The following MTMR3 variants were observed in gnomAD, a reference collection of about 807,000 sequenced individuals.
MTMR3 encodes the protein myotubularin related protein 3.
Under a neutral mutation model 132.4 loss-of-function variants are expected in MTMR3, and 32 were observed. That is an observed-to-expected ratio of 0.24 (90% CI 0.18 to 0.32). The LOEUF (loss-of-function observed/expected upper bound fraction) is 0.32, where lower values mean the gene tolerates loss of function less well. Among genes scored for constraint, MTMR3 ranks in the 10% least tolerant of loss-of-function variants. The pLI, the probability that MTMR3 is intolerant of heterozygous loss-of-function variation, is 1.00. For missense variants in MTMR3, 1,216 were observed against 1,489.6 expected (o/e 0.82, Z 3.02); for synonymous variants, 556 against 550.3 (o/e 1.01, Z -0.14).
At chr22:29,932,296 G>A (rs1211897007) in intron 1 of MTMR3, among the ~76,000 whole-genome samples, 1 of 152,114 alleles carries the variant, frequency 6.6e-6, no homozygotes, top group Non-Finnish European at 1.5e-5. Context: ...TCCCTACTAA[G>A]GTTCCCTTCC....
intron 5 of MTMR3, 101 bp downstream of exon 5, chr22:29,979,153 G>C (rs758461743): frequency 4.9e-6 from 4 of 816,752 alleles, no homozygotes; most frequent in Non-Finnish European, 8.3e-6. Context: ...AATTGGGAGA[G>C]AAAGCATTAT....
chr22:29,967,708 A>G (rs1250843280), intron 2 of MTMR3, among the ~76,000 whole-genome samples: 1 of 151,552 alleles, frequency 6.6e-6, no homozygotes, highest in Non-Finnish European at 1.5e-5. Flanking sequence ...GTCACTCCCT[A>G]TTCTTCCCTC....
chr22:30,012,241 T>G, intron 12 of MTMR3, 127 bp from the exon 13 acceptor site: 1 of 935,350 alleles, frequency 1.1e-6, no homozygotes, highest in Non-Finnish European at 1.6e-6. Flanking sequence ...CAGATTTTTT[T>G]GTTTTGGCAG....
At chr22:29,904,987 T>C (rs1304008319) in intron 1 of MTMR3, among the ~76,000 whole-genome samples, 1 of 152,190 alleles carries the variant, frequency 6.6e-6, no homozygotes, top group African/African-American at 2.4e-5. Flanking sequence ...AAATTTACAT[T>C]TCTACCAAGA....
intron 1 of MTMR3, among the ~76,000 whole-genome samples, chr22:29,952,410 G>GTT (rs908422204): frequency 3.3e-5 from 3 of 91,968 alleles, no homozygotes; most frequent in Admixed American, 2.0e-4. Context: ...GTGTGTGTGT[G>GTT]TTTTTTTTTT....
At position 29,886,748 on chromosome 22, in the gene MTMR3, A is replaced by G. The variant is rs184384966; in HGVS notation, c.-138+3389A>G. Among the ~76,000 whole-genome samples the G allele has an allele frequency of 4.5e-3, 681 of 152,298 alleles. 6 individuals are homozygous for G. Among genetic ancestry groups the G allele is most frequent in the African/African-American group, 0.015 (643 of 41,548 alleles). On this transcript the variant is annotated intron_variant, in intron 1 of 19. Coordinates refer to ENST00000401950, the MANE Select transcript of MTMR3 (RefSeq NM_021090.4). ...CAAAAGTGCTTCCGATGTTGAATGT[A>G]TGTTGCAAGTGTTATGTAGAAAGAA...
intron 3 of MTMR3, among the ~76,000 whole-genome samples, chr22:29,973,888 C>T (rs113844402): frequency 6.6e-5 from 10 of 151,810 alleles, no homozygotes; most frequent in Non-Finnish European, 1.2e-4. Flanking sequence ...CATGAGTCAC[C>T]GCACCCGGCC....
At chr22:30,003,079 G>C (rs2067207679) in intron 9 of MTMR3, 86 bp downstream of exon 9, 2 of 1,064,320 alleles carry the variant, frequency 1.9e-6, no homozygotes, top group Non-Finnish European at 2.9e-6. Flanking sequence ...GCTAACCTGG[G>C]AAGGGTGGGG....
At chr22:29,935,792 G>A (rs1329809339) in intron 1 of MTMR3, among the ~76,000 whole-genome samples, 5 of 121,254 alleles carry the variant, frequency 4.1e-5, no homozygotes, top group Admixed American at 1.0e-4. Context: ...TCACTCTGTC[G>A]CCCAGGCTGG....
intron 17 of MTMR3, 66 bp downstream of exon 17, chr22:30,020,950 T>C: frequency 1.4e-6 from 2 of 1,425,338 alleles, no homozygotes; most frequent in Non-Finnish European, 1.9e-6. Context: ...TGGGTGCCCT[T>C]TGTGCCCAGT....
intron 4 of MTMR3, 74 bp downstream of exon 4, chr22:29,978,605 T>G (rs2066676357): frequency 1.8e-6 from 2 of 1,091,852 alleles, no homozygotes; most frequent in Non-Finnish European, 2.7e-6. Flanking sequence ...TGGATTTAAG[T>G]GTAACGTACT....
At position 29,896,126 on chromosome 22, in the gene MTMR3, G is replaced by A. The variant is rs1168367615; in HGVS notation, c.-138+12767G>A. On this transcript the variant is annotated intron_variant, in intron 1 of 19. Coordinates refer to ENST00000401950, the MANE Select transcript of MTMR3 (RefSeq NM_021090.4). ...GGAGTTCAAGACCAGCCTGGCCAAC[G>A]TGGTGAAACCCCATGTCTACTAAAA... 5.1e-4 allele frequency among the ~76,000 whole-genome samples: 77 copies of A among 152,044 alleles called. 2 individuals carry two copies. The highest frequency in any genetic ancestry group is 4.6e-3 in the Admixed American group (70 of 15,274).
At chr22:30,018,188 T>C in intron 16 of MTMR3, 116 bp downstream of exon 16, 1 of 1,187,852 alleles carries the variant, frequency 8.4e-7, no homozygotes, top group South Asian at 1.8e-5. Flanking sequence ...GTATCTTTCT[T>C]AGGTCTCTGC....
chr22:30,022,872 G>T (rs1265258392), intron 19 of MTMR3, 175 bp downstream of exon 19: 5 of 602,482 alleles, frequency 8.3e-6, no homozygotes, highest in Non-Finnish European at 1.5e-5. Flanking sequence ...TGGCATCTTT[G>T]TTCAAATTCA....
intron 1 of MTMR3, among the ~76,000 whole-genome samples, chr22:29,908,611 T>C (rs1198501874): frequency 3.3e-5 from 5 of 152,206 alleles, no homozygotes; most frequent in African/African-American, 9.6e-5. Context: ...TGTTGGCCCT[T>C]TGCGGAAATA....
chr22:30,022,778 G>A, intron 19 of MTMR3, 81 bp downstream of exon 19: 2 of 1,247,692 alleles, frequency 1.6e-6, no homozygotes, highest in Non-Finnish European at 2.3e-6. Flanking sequence ...GTAGAGGGTT[G>A]TGGGTATCTC....
At position 29,978,875 on chromosome 22, in the gene MTMR3, G is replaced by A. The variant is rs1448859463; in HGVS notation, c.94-61G>A. The A allele has an allele frequency of 8.8e-6, 11 of 1,254,374 alleles. No homozygotes were observed. In the East Asian group the frequency reaches 2.3e-4, roughly 27 times the overall value. 77.7% of individuals were successfully genotyped at this position (1,254,374 alleles called of 1,614,324 possible). ...TTTACCATCCATTCAGCCAACTGAT[G>A]TTTGAAGCTTTTTTTTTTTTAACTG... On this transcript the variant is annotated intron_variant, in intron 4 of 19. Coordinates refer to ENST00000401950, the MANE Select transcript of MTMR3 (RefSeq NM_021090.4).
chr22:30,024,376 A>G (rs1452817547), intron 19 of MTMR3: 1 of 152,248 alleles, frequency 6.6e-6, no homozygotes, highest in Non-Finnish European at 1.5e-5. Context: ...GGAATGTTAA[A>G]GAAGTGTAGA....
intron 3 of MTMR3, among the ~76,000 whole-genome samples, chr22:29,976,402 G>GA (rs35159282): frequency 0.041 from 6,184 of 151,614 alleles, 372 homozygotes; most frequent in South Asian, 0.24. Flanking sequence ...GATACTCAAT[G>GA]AAAAAAAATG....
Sources: gnomAD v4.1 joint callset for allele counts (sites outside exome capture counted in the v4.1 genomes callset) on GRCh38, gnomAD v4.1.1 for gene constraint, MANE v1.5 for transcripts, NCBI Gene and HGNC (gene_info 2026-07-23, HGNC 2026-07-21) for gene names.